Variants in ITPRID1 observed in about 807,000 individuals in gnomAD.
ITPRID1 encodes the protein ITPR interacting domain containing 1.
In ITPRID1, 96 loss-of-function variants were observed where a neutral mutation model predicts 95.4. That is an observed-to-expected ratio of 1.01 (90% confidence interval 0.85 to 1.19). ITPRID1 has a LOEUF of 1.19. ITPRID1 is among the 50% of genes most tolerant of loss of function. ITPRID1 has a pLI of 0.00. For missense variants in ITPRID1, 1,339 were observed against 1,252.9 expected (o/e 1.07, Z -1.04); for synonymous variants, 510 against 453.6 (o/e 1.12, Z -1.58).
chr7:31,568,994 T>C (rs547804104), intron 5 of ITPRID1, among the ~76,000 whole-genome samples: 12 of 152,330 alleles, frequency 7.9e-5, no homozygotes, highest in African/African-American at 2.9e-4. Context: ...CAGGGATTTG[T>C]TGTGAGAATT....
At chr7:31,612,039 AT>A (rs762637907) in intron 10 of ITPRID1, among the ~76,000 whole-genome samples, 7 of 149,508 alleles carry the variant, frequency 4.7e-5, no homozygotes, top group Non-Finnish European at 8.9e-5. Flanking sequence ...ATTTTTATTC[AT>A]TTTTTTTCTG....
chr7:31,605,617 G>A (rs1031474753), intron 10 of ITPRID1, among the ~76,000 whole-genome samples: 4 of 152,226 alleles, frequency 2.6e-5, no homozygotes, highest in African/African-American at 7.2e-5. Context: ...TTTAGAAAAG[G>A]TTGAGCAAAT....
chr7:31,629,231 A>T (rs1331342235), intron 10 of ITPRID1, among the ~76,000 whole-genome samples: 19 of 152,320 alleles, frequency 1.2e-4, no homozygotes, highest in African/African-American at 4.3e-4. Context: ...TGTCTCAGGA[A>T]TATCTACTAA....
intron 12 of ITPRID1, among the ~76,000 whole-genome samples, chr7:31,644,798 G>T (rs1022081070): frequency 1.3e-5 from 2 of 151,668 alleles, no homozygotes; most frequent in South Asian, 2.1e-4. Context: ...CACTTGTATA[G>T]AGAGTTGAAA....
intron 3 of ITPRID1, among the ~76,000 whole-genome samples, chr7:31,553,626 T>A (rs1430005475): frequency 2.0e-5 from 3 of 152,172 alleles, no homozygotes; most frequent in African/African-American, 7.2e-5. Flanking sequence ...CTGCCCCCAT[T>A]ATGTAACTGT....
chr7:31,629,989 AAC>A (rs537026132), intron 10 of ITPRID1, among the ~76,000 whole-genome samples: 13 of 152,054 alleles, frequency 8.5e-5, no homozygotes, highest in African/African-American at 2.7e-4. Flanking sequence ...AAAGAGAAGA[AAC>A]ACACACACAC....
chr7:31,537,875 C>A (rs1783810350), intron 1 of ITPRID1, among the ~76,000 whole-genome samples: 1 of 152,080 alleles, frequency 6.6e-6, no homozygotes, highest in Admixed American at 6.6e-5. Context: ...AAAATAAGAT[C>A]ATAGTATACA....
At chr7:31,607,834 A>G (rs952641889) in intron 10 of ITPRID1, among the ~76,000 whole-genome samples, 7 of 151,530 alleles carry the variant, frequency 4.6e-5, no homozygotes, top group African/African-American at 1.7e-4. Context: ...TTTTTAGCCT[A>G]ATTTTTGGAA....
intron 1 of ITPRID1, among the ~76,000 whole-genome samples, chr7:31,548,836 C>T (rs1422432423): frequency 1.3e-5 from 2 of 151,970 alleles, no homozygotes; most frequent in Non-Finnish European, 2.9e-5. Flanking sequence ...TGGAGGCTTC[C>T]TTTATAAACT....
intron 12 of ITPRID1, among the ~76,000 whole-genome samples, chr7:31,647,885 C>T (rs1316865796): frequency 6.6e-6 from 1 of 151,708 alleles, no homozygotes; most frequent in Admixed American, 6.6e-5. Flanking sequence ...ATTTTTGTGG[C>T]CTTTTTGGGT....
chr7:31,564,270 C>T (rs1165616594), intron 5 of ITPRID1, among the ~76,000 whole-genome samples: 1 of 152,028 alleles, frequency 6.6e-6, no homozygotes, highest in Non-Finnish European at 1.5e-5. Flanking sequence ...GCTGGAGACT[C>T]AAGTATCTAA....
chr7:31,626,412 A>C (rs150347955), intron 10 of ITPRID1, among the ~76,000 whole-genome samples: 357 of 152,332 alleles, frequency 2.3e-3, no homozygotes, highest in Non-Finnish European at 4.0e-3. Flanking sequence ...TAACTTTTAA[A>C]ATTATCATAA....
At chr7:31,606,243 T>A (rs1786616402) in intron 10 of ITPRID1, among the ~76,000 whole-genome samples, 1 of 152,186 alleles carries the variant, frequency 6.6e-6, no homozygotes, top group Non-Finnish European at 1.5e-5. Flanking sequence ...GAAGAAATTA[T>A]GATTCCCTAG....
chr7:31,547,518 C>T lies in ITPRID1; in HGVS notation c.-97-1908C>T, dbSNP rs192643430. On this transcript the variant is annotated intron_variant, in intron 1 of 14. Transcript: ENST00000615280. ...GAGAACTCACTCACTATCACAAGAA[C>T]AGCATGGAGGTAACTGCCTCCATGA... 6.8e-4 allele frequency among the ~76,000 whole-genome samples: 100 copies of T among 148,002 alleles called. 1 individual carries two copies. In the Middle Eastern group the frequency reaches 0.017, roughly 26 times the overall value.
chr7:31,578,371 T>G lies in ITPRID1; in HGVS notation c.1107T>G (p.Thr369=). ...CTCAGAAGGAGAACTTATTTCAGAC[T>G]AACAAGCTCAAGAGCTTGTCTCATC... is the stretch of plus-strand genomic sequence containing the variant. The part of the protein sequence containing the change: ...GRTQKENLFQ[T]NKLKSLSHLA... The change falls in exon 9 of 15, where the codon ACT becomes ACG. Residue 369 remains threonine (T), a synonymous_variant. Coordinates refer to ENST00000615280, the MANE Select transcript of ITPRID1 (RefSeq NM_001257967.3). 6.2e-7 allele frequency: 1 copy of G among 1,613,656 alleles called. No homozygotes were observed.
intron 5 of ITPRID1, 113 bp from the exon 6 acceptor site, chr7:31,569,645 A>G: frequency 1.2e-6 from 1 of 842,086 alleles, no homozygotes; most frequent in Non-Finnish European, 1.9e-6. Flanking sequence ...TTTCATGCCT[A>G]TATAACCTTG....
chr7:31,549,388 A>G, intron 1 of ITPRID1, 38 bp from the exon 2 acceptor site: 3 of 1,321,990 alleles, frequency 2.3e-6, no homozygotes, highest in Non-Finnish European at 1.9e-6. Context: ...TGTGAGACAA[A>G]TGATTGCATT....
intron 5 of ITPRID1, among the ~76,000 whole-genome samples, chr7:31,557,117 A>G (rs1160335853): frequency 6.6e-6 from 1 of 152,012 alleles, no homozygotes; most frequent in Non-Finnish European, 1.5e-5. Flanking sequence ...GTAATCCAGT[A>G]TGATCTCATC....
At chr7:31,619,199 A>G (rs1333864525) in intron 10 of ITPRID1, among the ~76,000 whole-genome samples, 1 of 152,094 alleles carries the variant, frequency 6.6e-6, no homozygotes, top group Admixed American at 6.5e-5. Context: ...TGTCCTTTCT[A>G]TGTCTATTTT....
Sources: gnomAD v4.1 joint callset for allele counts (sites outside exome capture counted in the v4.1 genomes callset) on GRCh38, gnomAD v4.1.1 for gene constraint, MANE v1.5 for transcripts, NCBI Gene and HGNC (gene_info 2026-07-23, HGNC 2026-07-21) for gene names.